The following GRID2 variants were observed in gnomAD, a reference collection of about 807,000 sequenced individuals.
GRID2 encodes the protein glutamate receptor ionotropic, delta-2.
GRID2 carries 33 observed loss-of-function variants against 114.8 expected under a neutral mutation model. The observed-to-expected ratio is 0.29, with a 90% confidence interval of 0.22 to 0.38. GRID2 has a LOEUF of 0.38. GRID2 is among the 10% of genes least tolerant of loss of function. The probability of loss-of-function intolerance (pLI) is 1.00; values close to 1 mark genes in which losing one functional copy is unlikely to be tolerated. For synonymous variants in GRID2, 505 were observed against 449.9 expected, an observed-to-expected ratio of 1.12 and a Z score of -1.55; for missense variants, 1,184 against 1,257.7, an observed-to-expected ratio of 0.94 and a Z score of 0.89.
intron 1 of GRID2, among the ~76,000 whole-genome samples, chr4:92,337,371 T>C (rs892779349): frequency 1.3e-5 from 2 of 152,152 alleles, no homozygotes; most frequent in African/African-American, 4.8e-5. Flanking sequence ...CATTGTAGCT[T>C]AAGTTCTCTA....
chr4:93,437,215 T>C (rs540278973), intron 10 of GRID2, among the ~76,000 whole-genome samples: 2 of 152,254 alleles, frequency 1.3e-5, no homozygotes, highest in Admixed American at 6.5e-5. Context: ...TACCTCTCAG[T>C]ACTCACAATG....
intron 1 of GRID2, among the ~76,000 whole-genome samples, chr4:92,512,852 C>A (rs1468470876): frequency 6.6e-6 from 1 of 151,714 alleles, no homozygotes; most frequent in African/African-American, 2.4e-5. Flanking sequence ...TTTTACTCTG[C>A]CTCTTTTTTA....
rs566774560 is a variant in GRID2 at position 92,839,938 on chromosome 4, T to A, written c.245-245057T>A. 4.6e-5 allele frequency among the ~76,000 whole-genome samples: 7 copies of A among 152,208 alleles called. No individual in the cohort carries two copies. The South Asian group carries it at 1.0e-3, about 23-fold the overall frequency. On this transcript the variant is annotated intron_variant, in intron 2 of 15. Coordinates refer to ENST00000282020, the MANE Select transcript of GRID2 (RefSeq NM_001510.4). ...GGGTGTTGAATTCTCCAGCTGTTAC[T>A]GTATTGGGACCTATCTCTCTCTTTA...
At chr4:93,445,083 C>T (rs1288821969) in intron 10 of GRID2, among the ~76,000 whole-genome samples, 1 of 151,718 alleles carries the variant, frequency 6.6e-6, no homozygotes, top group African/African-American at 2.4e-5. Context: ...GCAGAAATAT[C>T]ATGTGATGCC....
chr4:92,432,167 C>G (rs1732491307), intron 1 of GRID2, among the ~76,000 whole-genome samples: 1 of 152,116 alleles, frequency 6.6e-6, no homozygotes, highest in Admixed American at 6.5e-5. Context: ...GTGGCCACCA[C>G]CACTAGGACT....
intron 13 of GRID2, among the ~76,000 whole-genome samples, chr4:93,600,782 A>G (rs1294579538): frequency 6.6e-6 from 1 of 152,210 alleles, no homozygotes; most frequent in African/African-American, 2.4e-5. Context: ...CAAACGTCCA[A>G]CAATGGGGAA....
intron 8 of GRID2, among the ~76,000 whole-genome samples, chr4:93,331,033 A>G (rs1420754619): frequency 6.6e-6 from 1 of 151,834 alleles, no homozygotes; most frequent in Non-Finnish European, 1.5e-5. Context: ...ATATCAGATC[A>G]TTTGTCTTCT....
intron 9 of GRID2, among the ~76,000 whole-genome samples, chr4:93,411,280 A>C (rs1767103790): frequency 6.6e-6 from 1 of 152,184 alleles, no homozygotes; most frequent in African/African-American, 2.4e-5. Context: ...TTTTTAAAGT[A>C]CCCAGCACAT....
intron 9 of GRID2, among the ~76,000 whole-genome samples, chr4:93,411,153 T>C (rs1767090684): frequency 6.6e-6 from 1 of 152,164 alleles, no homozygotes; most frequent in South Asian, 2.1e-4. Flanking sequence ...CAAAAGTTAC[T>C]TGCTAATATT....
intron 1 of GRID2, among the ~76,000 whole-genome samples, chr4:93,802,622 T>C (rs1350994404): frequency 6.6e-6 from 1 of 152,234 alleles, no homozygotes; most frequent in Non-Finnish European, 1.5e-5. Context: ...TTAACATCTT[T>C]ACTGCCGTAT....
At chr4:93,297,492 T>A (rs1754436275) in intron 8 of GRID2, among the ~76,000 whole-genome samples, 1 of 152,206 alleles carries the variant, frequency 6.6e-6, no homozygotes, top group African/African-American at 2.4e-5. Flanking sequence ...TCAAAGATCT[T>A]GTCTGACAGC....
intron 2 of GRID2, among the ~76,000 whole-genome samples, chr4:92,742,579 A>C (rs1242862612): frequency 4.6e-5 from 7 of 152,176 alleles, no homozygotes; most frequent in Admixed American, 3.9e-4. Context: ...TTGGTCCTGC[A>C]TACATCTCTG....
chr4:93,228,785 T>C (rs1745789894), intron 7 of GRID2, among the ~76,000 whole-genome samples: 1 of 152,150 alleles, frequency 6.6e-6, no homozygotes, highest in Admixed American at 6.5e-5. Flanking sequence ...ATATTTCTTC[T>C]TCTGAAGCTT....
intron 2 of GRID2, among the ~76,000 whole-genome samples, chr4:92,934,597 A>G (rs1201901368): frequency 6.8e-6 from 1 of 146,618 alleles, no homozygotes; most frequent in African/African-American, 2.4e-5. Context: ...CTAAGCCAAA[A>G]GAACAAAGCT....
intron 2 of GRID2, among the ~76,000 whole-genome samples, chr4:92,897,313 A>C (rs1247538432): frequency 1.3e-5 from 2 of 152,142 alleles, no homozygotes; most frequent in Non-Finnish European, 2.9e-5. Context: ...AAAAACAACT[A>C]TCCATCTCTT....
rs1190274127 is a variant in GRID2 at position 92,485,370 on chromosome 4, AGTGTATGTGT to A, written c.89-104754_89-104745del. Among the ~76,000 whole-genome samples the A allele has an allele frequency of 6.9e-3, 559 of 81,292 alleles. 7 individuals carry two copies. Among genetic ancestry groups the A allele is most frequent in the African/African-American group, 0.026 (518 of 19,764 alleles). The allele number at this position is 81,292 out of a possible 152,430, so 53.3% of individuals were successfully genotyped here. ...TATAGTGTGTGTGTGTGTGTGTGTG[AGTGTATGTGT>A]GTGTATATAATTCAGGACCATTATA... On this transcript the variant is annotated intron_variant, in intron 1 of 15. Transcript: ENST00000282020.
intron 2 of GRID2, among the ~76,000 whole-genome samples, chr4:92,992,150 A>G (rs752781294): frequency 2.0e-5 from 3 of 152,176 alleles, no homozygotes; most frequent in Admixed American, 6.5e-5. Context: ...AAGACCATGT[A>G]TCTTTACATT....
intron 1 of GRID2, among the ~76,000 whole-genome samples, chr4:92,558,408 T>C (rs2149179654): frequency 6.6e-6 from 1 of 152,300 alleles, no homozygotes; most frequent in African/African-American, 2.4e-5. Context: ...ATAAACGTTG[T>C]TGAGCATTTG....
intron 2 of GRID2, among the ~76,000 whole-genome samples, chr4:92,950,283 C>G (rs1304866929): frequency 6.6e-6 from 1 of 152,120 alleles, no homozygotes; most frequent in Non-Finnish European, 1.5e-5. Flanking sequence ...TTCTCCCTGA[C>G]CTGAATCGAT....
Sources: allele counts gnomAD v4.1 joint callset (sites outside exome capture counted in the v4.1 genomes callset), GRCh38; gene constraint gnomAD v4.1.1; transcripts MANE v1.5; gene names NCBI Gene and HGNC (gene_info 2026-07-23, HGNC 2026-07-21).